MTA2: variants seen among roughly 807,000 people sequenced by gnomAD.
The protein encoded by MTA2 is metastasis-associated protein MTA2.
Under a neutral mutation model 87.1 loss-of-function variants are expected in MTA2, and 22 were observed. The observed-to-expected ratio is 0.25, with a 90% CI of 0.18 to 0.36. The LOEUF (loss-of-function observed/expected upper bound fraction) is 0.36, where lower values mean the gene tolerates loss of function less well. Among genes scored for constraint, MTA2 ranks in the 10% least tolerant of loss-of-function variants. The pLI is 1.00. For missense variants in MTA2, 542 were observed against 853.2 expected (o/e 0.64, Z 4.54); for synonymous variants, 314 against 310.1 (o/e 1.01, Z -0.13).
chr11:62,598,240 C>G lies in MTA2; in HGVS notation c.372+87G>C, dbSNP rs941759803. 1.3e-5 allele frequency: 21 copies of G among 1,563,202 alleles called. No individual in the cohort carries two copies. The African/African-American group carries it at 2.2e-4, about 16-fold the overall frequency. On this transcript the variant is annotated intron_variant, in intron 5 of 17. Transcript: ENST00000278823. The stretch of plus-strand genomic sequence containing the variant: ...TTCCATGACCGGCAGTCTGGCAACC[C>G]TGTACCTCATCATTGTGCTCCTTTC...
In MTA2 at chr11:62,595,166, C is replaced by T. The variant is rs188758727; in HGVS notation, c.1484-96G>A. The T allele has an allele frequency of 9.8e-4, 1,500 of 1,537,720 alleles. 5 individuals are homozygous for T. The highest frequency in any genetic ancestry group is 4.3e-3 in the South Asian group (380 of 87,636). On this transcript the variant is annotated intron_variant, in intron 14 of 17. Transcript: ENST00000278823. The surrounding 1 kb of genome is among the most constrained non-coding windows in gnomAD (Gnocchi z 4.9). Reference sequence around the variant, plus strand: ...CTAATCTTAAAAAAATTATCTGTGGCCTACTATCCCTCCTGTTATTAGACA... The same window carrying T: ...CTAATCTTAAAAAAATTATCTGTGGTCTACTATCCCTCCTGTTATTAGACA...
rs749254714 is a variant in MTA2 at position 62,593,757 on chromosome 11, CACTT to C, written c.*114_*117del. 126 of 1,312,940 alleles carry C rather than the reference CACTT, an allele frequency of 9.6e-5. No homozygotes were observed. Among genetic ancestry groups the C allele is most frequent in the Non-Finnish European group, 2.7e-5 (26 of 950,610 alleles). The allele number at this position is 1,312,940 out of a possible 1,614,324, so 81.3% of individuals were successfully genotyped here. ...CCCAACCCCTCCAGGGACACACACTCACTTGCTCTCTTCCTTAATTCACTCCTCA... is the reference window on the plus strand; with the variant it reads ...CCCAACCCCTCCAGGGACACACACTCGCTCTCTTCCTTAATTCACTCCTCA... On this transcript the variant is annotated 3_prime_UTR_variant, in exon 18 of 18. Transcript: ENST00000278823.
Position 62,597,609 on chromosome 11 carries a change from C to T in MTA2, c.593+1G>A, listed in dbSNP as rs1284391054. The T allele has an allele frequency of 6.2e-7, 1 of 1,613,880 alleles. No individual in the cohort carries two copies. Among genetic ancestry groups the T allele is most frequent in the African/African-American group, 1.3e-5 (1 of 74,904 alleles). Reference sequence around the variant, plus strand: ...ATCTTCCCTATCCACCCACCCCTCACCGGGCCACCACAAGAAACTGGTCGA... The same window carrying T: ...ATCTTCCCTATCCACCCACCCCTCATCGGGCCACCACAAGAAACTGGTCGA... On this transcript the variant is annotated splice_donor_variant, in intron 7 of 17. Coordinates refer to ENST00000278823, the MANE Select transcript of MTA2 (RefSeq NM_004739.4). LOFTEE classifies it high-confidence loss of function.
chr11:62,594,461 TGA>T (rs1227551735), intron 16 of MTA2, 53 bp downstream of exon 16: 7 of 1,613,432 alleles, frequency 4.3e-6, no homozygotes, highest in Non-Finnish European at 5.1e-6. Flanking sequence ...CAGACTCCTA[TGA>T]GAGACAAAAG....
At chr11:62,601,398 C>A (rs771907703) in intron 1 of MTA2, 25 bp downstream of exon 1, 7 of 1,609,688 alleles carry the variant, frequency 4.3e-6, no homozygotes, top group Non-Finnish European at 5.9e-6. Flanking sequence ...GCCCCGGGCC[C>A]CGTATCCCTG....
chr11:62,598,362 C>G lies in MTA2; in HGVS notation c.337G>C (p.Glu113Gln). 6.2e-7 allele frequency: 1 copy of G among 1,614,166 alleles called. No homozygotes were observed. Among genetic ancestry groups the G allele is most frequent in the Non-Finnish European group, 8.5e-7 (1 of 1,180,026 alleles). Residue 113 changes from glutamate (E) to glutamine (Q), a missense_variant, in exon 5 of 18, where the codon GAG becomes CAG. By Grantham distance (29) the Glu-to-Gln change is conservative. Coordinates refer to ENST00000278823, the MANE Select transcript of MTA2 (RefSeq NM_004739.4). ...AGGTACTGGCTCAAGATATCTGTCT[C>G]ATTCAAGAGGGTCACACTGCATTTC... ...RGKCSVTLLN[E>Q]TDILSQYLEK... is the part of the protein sequence containing the mutation.
chr11:62,597,783 T>C, intron 6 of MTA2, 71 bp from the exon 7 acceptor site: 3 of 1,208,224 alleles, frequency 2.5e-6, no homozygotes, highest in Non-Finnish European at 2.4e-6. Flanking sequence ...TCATTCACAA[T>C]AGCACCTCCT....
rs546296315 is a variant in MTA2 at position 62,595,209 on chromosome 11, C to G, written c.1483+55G>C. 3.8e-5 allele frequency: 60 copies of G among 1,576,832 alleles called. No individual in the cohort carries two copies. In the African/African-American group the frequency reaches 7.7e-4, roughly 20 times the overall value. ...ATTAGACATCCAGAGAAACAACGGT[C>G]TCTGGGCAGAGCAATCCGAAACCCA... is the stretch of plus-strand genomic sequence containing the variant. On this transcript the variant is annotated intron_variant, in intron 14 of 17. Transcript: ENST00000278823. The surrounding 1 kb of genome is among the most constrained non-coding windows in gnomAD (Gnocchi z 4.9).
Position 62,594,342 on chromosome 11 carries a change from G to A in MTA2, c.1758C>T (p.Ser586=), listed in dbSNP as rs1942067215. The A allele has an allele frequency of 6.2e-7, 1 of 1,614,202 alleles. No individual in the cohort carries two copies. The highest frequency in any genetic ancestry group is 8.5e-7 in the Non-Finnish European group (1 of 1,180,044). Reference sequence around the variant, plus strand: ...TCTGACGCTTGGCTGCTGGCTGTGAGCTTGAACGAATCCCTGAAGCCAGAG... The same window carrying A: ...TCTGACGCTTGGCTGCTGGCTGTGAACTTGAACGAATCCCTGAAGCCAGAG... The part of the protein sequence containing the change: ...GRPLASGIRS[S]SQPAAKRQKL... Residue 586 remains serine (S), a synonymous_variant, in exon 17 of 18, where the codon AGC becomes AGT. Coordinates refer to ENST00000278823, the MANE Select transcript of MTA2 (RefSeq NM_004739.4).
At position 62,601,720 on chromosome 11, in the gene MTA2, C is replaced by G; in HGVS notation, c.-270G>C. On this transcript the variant is annotated 5_prime_UTR_variant, in exon 1 of 18. Transcript: ENST00000278823. ...CGGAACGAGCTCGGCTCCTGCCAGG[C>G]CAGAGCCAGGCTCCAGCTACCCCCG... 3.8e-6 allele frequency: 2 copies of G among 521,552 alleles called. No individual in the cohort carries two copies. The highest frequency in any genetic ancestry group is 6.7e-6 in the Non-Finnish European group (2 of 299,406). 32.3% of individuals were successfully genotyped at this position (521,552 alleles called of 1,614,324 possible). A position where few individuals can be genotyped will look rare whatever the true frequency, so the allele number is the denominator to read the frequency against.
chr11:62,601,311 C>T, intron 1 of MTA2, 112 bp downstream of exon 1: 3 of 1,348,818 alleles, frequency 2.2e-6, no homozygotes, highest in Non-Finnish European at 2.0e-6. Flanking sequence ...GTCCGCGCTC[C>T]GGTCCACGCT....
intron 3 of MTA2, among the ~76,000 whole-genome samples, chr11:62,598,864 G>A (rs975557265): frequency 1.3e-5 from 2 of 152,080 alleles, no homozygotes; most frequent in Non-Finnish European, 2.9e-5. Flanking sequence ...AAGAACTGCT[G>A]AGAGTACGAA....
chr11:62,596,154 A>C lies in MTA2; in HGVS notation c.1017-47T>G, dbSNP rs191583223. 13 of 1,606,316 alleles carry C rather than the reference A, an allele frequency of 8.1e-6. No individual in the cohort carries two copies. The Admixed American group carries it at 2.2e-4, about 27-fold the overall frequency. Reference sequence around the variant, plus strand: ...AGGGAAAAAAACAAGAAACTGGTCAAGGAAAAGAATCAATTTCCACTCTCA... The same window carrying C: ...AGGGAAAAAAACAAGAAACTGGTCACGGAAAAGAATCAATTTCCACTCTCA... On this transcript the variant is annotated intron_variant, in intron 11 of 17. Transcript: ENST00000278823.
Position 62,595,254 on chromosome 11 carries a change from C to G in MTA2, c.1483+10G>C, listed in dbSNP as rs1237241019. 6.2e-7 allele frequency: 1 copy of G among 1,613,278 alleles called. No individual in the cohort carries two copies. The highest frequency in any genetic ancestry group is 8.5e-7 in the Non-Finnish European group (1 of 1,179,242). On this transcript the variant is annotated intron_variant, in intron 14 of 17. Transcript: ENST00000278823. The surrounding 1 kb of genome is among the most constrained non-coding windows in gnomAD (Gnocchi z 4.9). The stretch of plus-strand genomic sequence containing the variant: ...AACCCACCACCAGTCCCACCACTCC[C>G]TGCCCTTACACTCTGCTTTGATGGC...
intron 1 of MTA2, chr11:62,600,903 A>C: frequency 1.8e-6 from 1 of 553,992 alleles, no homozygotes; most frequent in Non-Finnish European, 3.2e-6. Flanking sequence ...TCCTTTACTC[A>C]AAAGAGAGCC....
rs544229797 is a variant in MTA2 at position 62,595,602 on chromosome 11, C to T, written c.1255-110G>A. On this transcript the variant is annotated intron_variant, in intron 13 of 17. Transcript: ENST00000278823. The surrounding 1 kb of genome is among the most constrained non-coding windows in gnomAD (Gnocchi z 4.9). ...TATTCCTGTCTAATCTCTTTACTGACCTCTTGGCCTATGTGTCTCCCCAAC... is the reference window on the plus strand; with the variant it reads ...TATTCCTGTCTAATCTCTTTACTGATCTCTTGGCCTATGTGTCTCCCCAAC... The T allele has an allele frequency of 4.6e-6, 7 of 1,507,416 alleles. No homozygotes were observed. Among genetic ancestry groups the T allele is most frequent in the Non-Finnish European group, 6.3e-6 (7 of 1,103,552 alleles). 93.4% of individuals were successfully genotyped at this position (1,507,416 alleles called of 1,614,324 possible).
intron 1 of MTA2, 38 bp downstream of exon 1, chr11:62,601,385 C>G: frequency 6.2e-7 from 1 of 1,607,262 alleles, no homozygotes; most frequent in Admixed American, 1.7e-5. Flanking sequence ...CCCAACCTCT[C>G]CCGCCCCGGG....
intron 8 of MTA2, among the ~76,000 whole-genome samples, chr11:62,597,110 AC>A (rs1399633971): frequency 6.6e-6 from 1 of 151,616 alleles, no homozygotes; most frequent in Non-Finnish European, 1.5e-5. Context: ...AGTGGTGTGA[AC>A]CCGGGAGGCG....
chr11:62,600,590 G>A (rs751559377), intron 2 of MTA2, 32 bp downstream of exon 2: 2 of 1,592,942 alleles, frequency 1.3e-6, no homozygotes, highest in South Asian at 2.2e-5. Context: ...GACCACTGCG[G>A]GAGGGAGGGA....
Sources: gnomAD v4.1 joint callset for allele counts (sites outside exome capture counted in the v4.1 genomes callset) on GRCh38, gnomAD v4.1.1 for gene constraint, Gnocchi (gnomAD v3.1) non-coding constraint, MANE v1.5 for transcripts, NCBI Gene and HGNC (gene_info 2026-07-23, HGNC 2026-07-21) for gene names.